GSDME: variants seen among roughly 807,000 people sequenced by gnomAD.
The protein encoded by GSDME is gasdermin-E.
Under a neutral mutation model 47.5 loss-of-function variants are expected in GSDME, and 44 were observed. The observed-to-expected ratio is 0.93, with a 90% CI of 0.73 to 1.19. GSDME has a LOEUF of 1.19. Among genes scored for constraint, GSDME ranks in the 50% most tolerant of loss-of-function variants. GSDME has a pLI of 0.00. For synonymous variants in GSDME, 258 were observed against 252.8 expected, an observed-to-expected ratio of 1.02 and a Z score of -0.20; for missense variants, 663 against 604.2, an observed-to-expected ratio of 1.10 and a Z score of -1.02.
chr7:24,729,438 C>T (rs1165018705), intron 3 of GSDME, among the ~76,000 whole-genome samples: 1 of 152,262 alleles, frequency 6.6e-6, no homozygotes, highest in African/African-American at 2.4e-5. Context: ...ACAAAGGAGG[C>T]AGGGCGTTCC....
chr7:24,791,815 A>C, the GSDME span, among the ~76,000 whole-genome samples: 1 of 152,186 alleles, frequency 6.6e-6, no homozygotes, highest in African/African-American at 2.4e-5. The surrounding 1 kb of genome is among the most constrained non-coding windows in gnomAD (Gnocchi z 4.8). Context: ...AACTCTTGAA[A>C]ATTCTTAAGC....
chr7:24,701,480 C>CAGTT (rs144379890), intron 9 of GSDME, among the ~76,000 whole-genome samples: 2 of 152,134 alleles, frequency 1.3e-5, no homozygotes, highest in Admixed American at 6.5e-5. Flanking sequence ...GGTTAGATAA[C>CAGTT]AGTTAGATAA....
chr7:24,706,992 C>T (rs949196017), intron 7 of GSDME, among the ~76,000 whole-genome samples: 3 of 152,232 alleles, frequency 2.0e-5, no homozygotes, highest in African/African-American at 7.2e-5. Flanking sequence ...GCTGGCCTGA[C>T]ATTTTCCTCT....
intron 5 of GSDME, among the ~76,000 whole-genome samples, chr7:24,715,913 ACT>A (rs897037980): frequency 3.9e-5 from 6 of 151,974 alleles, no homozygotes; most frequent in African/African-American, 1.5e-4. Flanking sequence ...AGAGAGGGAG[ACT>A]CTGTGCACTC....
chr7:24,738,804 GATGGAGAATCCGGA>G (rs1344345407), intron 3 of GSDME, among the ~76,000 whole-genome samples: 1 of 152,112 alleles, frequency 6.6e-6, no homozygotes, highest in Non-Finnish European at 1.5e-5. Context: ...AATGGAATGG[GATGGAGAATCCGGA>G]AACAAATCCA....
the GSDME span, among the ~76,000 whole-genome samples, chr7:24,766,214 T>TGTGTGTGTGTGTGC: frequency 2.0e-5 from 3 of 151,406 alleles, no homozygotes; most frequent in African/African-American, 7.3e-5. This position sits in a 1 kb window ranked among gnomAD's most constrained non-coding sequence, Gnocchi z 4.2. Flanking sequence ...TGTGTGTGTG[T>TGTGTGTGTGTGTGC]GCATGTTTGC....
the GSDME span, among the ~76,000 whole-genome samples, chr7:24,788,734 C>T: frequency 6.6e-6 from 1 of 152,290 alleles, no homozygotes; most frequent in South Asian, 2.1e-4. The surrounding 1 kb of genome is among the most constrained non-coding windows in gnomAD (Gnocchi z 4.6). Context: ...AAAGCTGACA[C>T]CTTAGGATGT....
At chr7:24,760,048 G>T (rs1200826268), upstream of GSDME, among the ~76,000 whole-genome samples, 1 of 152,180 alleles carries the variant, frequency 6.6e-6, no homozygotes, top group African/African-American at 2.4e-5. The surrounding 1 kb of genome is among the most constrained non-coding windows in gnomAD (Gnocchi z 4.2). Context: ...GAAATGGAGG[G>T]CTATGGAAAG....
intron 5 of GSDME, chr7:24,710,628 A>T (rs377221057): frequency 1.8e-6 from 1 of 543,718 alleles, no homozygotes; most frequent in Non-Finnish European, 3.3e-6. Flanking sequence ...CCTAATATAT[A>T]TTCTCTGAAC....
intron 2 of GSDME, 45 bp downstream of exon 2, chr7:24,749,519 C>G: frequency 8.2e-7 from 1 of 1,223,638 alleles, no homozygotes; most frequent in Non-Finnish European, 1.2e-6. Context: ...AAAAAAGGAT[C>G]ATCCTTTCCG....
At chr7:24,771,466 T>C in the GSDME span, among the ~76,000 whole-genome samples, 52 of 152,374 alleles carry the variant, frequency 3.4e-4, 2 homozygotes, top group South Asian at 7.5e-3. The surrounding 1 kb of genome is among the most constrained non-coding windows in gnomAD (Gnocchi z 4.1). Flanking sequence ...ACACATTCAT[T>C]GAGCCCCTAA....
At chr7:24,764,914 G>A in the GSDME span, among the ~76,000 whole-genome samples, 1 of 152,160 alleles carries the variant, frequency 6.6e-6, no homozygotes, top group African/African-American at 2.4e-5. This position sits in a 1 kb window ranked among gnomAD's most constrained non-coding sequence, Gnocchi z 4.4. Flanking sequence ...GAATAAATCT[G>A]GATTCCTGCC....
chr7:24,708,650 T>C (rs1453432390), intron 6 of GSDME, among the ~76,000 whole-genome samples: 1 of 152,242 alleles, frequency 6.6e-6, no homozygotes. Context: ...TTTAGAGCCA[T>C]ACAAATTCCA....
the GSDME span, among the ~76,000 whole-genome samples, chr7:24,790,854 T>G: frequency 1.3e-5 from 2 of 152,168 alleles, no homozygotes; most frequent in Non-Finnish European, 1.5e-5. This position sits in a 1 kb window ranked among gnomAD's most constrained non-coding sequence, Gnocchi z 4.1. Context: ...AAGACAGTTT[T>G]AACTTTTTGC....
At position 24,756,258 on chromosome 7, in the gene GSDME, C is replaced by T. The variant is rs927736445; in HGVS notation, c.-20+1138G>A. On this transcript the variant is annotated intron_variant, in intron 1 of 9. Transcript: ENST00000645220. The surrounding 1 kb of genome is among the most constrained non-coding windows in gnomAD (Gnocchi z 4.2). Reference sequence around the variant, plus strand: ...TGGCAGGCACCTGCGGTCTCAGCTACGGGTGTATGGGAGGATCCCTTGAGC... The same window carrying T: ...TGGCAGGCACCTGCGGTCTCAGCTATGGGTGTATGGGAGGATCCCTTGAGC... Among the ~76,000 whole-genome samples the T allele has an allele frequency of 3.3e-5, 5 of 152,106 alleles. No individual in the cohort carries two copies. Among genetic ancestry groups the T allele is most frequent in the African/African-American group, 9.7e-5 (4 of 41,406 alleles).
the GSDME span, among the ~76,000 whole-genome samples, chr7:24,777,334 A>G: frequency 5.3e-3 from 802 of 152,308 alleles, 6 homozygotes; most frequent in Non-Finnish European, 8.6e-3. Context: ...GACCACACCC[A>G]TGGGCTGACC....
chr7:24,774,671 T>C, the GSDME span, among the ~76,000 whole-genome samples: 2 of 152,058 alleles, frequency 1.3e-5, no homozygotes, highest in African/African-American at 4.8e-5. Context: ...TAGCTGGGAT[T>C]ACAGGCGCAT....
At chr7:24,710,116 T>G (rs891582833) in intron 6 of GSDME, 108 bp downstream of exon 6, 3 of 1,240,794 alleles carry the variant, frequency 2.4e-6, no homozygotes, top group Non-Finnish European at 3.5e-6. Context: ...CTCATATGTT[T>G]TCTGTGAGTC....
At position 24,744,458 on chromosome 7, in the gene GSDME, G is replaced by T; in HGVS notation, c.404+104C>A. On this transcript the variant is annotated intron_variant, in intron 3 of 9. Coordinates refer to ENST00000645220, the MANE Select transcript of GSDME (RefSeq NM_001127453.2). The surrounding 1 kb of genome is among the most constrained non-coding windows in gnomAD (Gnocchi z 4.5). Reference sequence around the variant, plus strand: ...CAAGCGCATTCAATACATGTTTATTGATCGGCAGAGATCAAATCTGTCGCC... The same window carrying T: ...CAAGCGCATTCAATACATGTTTATTTATCGGCAGAGATCAAATCTGTCGCC... The T allele has an allele frequency of 8.1e-7, 1 of 1,229,924 alleles. No homozygotes were observed. Among genetic ancestry groups the T allele is most frequent in the Non-Finnish European group, 1.2e-6 (1 of 839,546 alleles). The allele number at this position is 1,229,924 out of a possible 1,614,324, so 76.2% of individuals were successfully genotyped here. A position where few individuals can be genotyped will look rare whatever the true frequency, so the allele number is the denominator to read the frequency against.
Sources: allele counts gnomAD v4.1 joint callset (sites outside exome capture counted in the v4.1 genomes callset), GRCh38; gene constraint gnomAD v4.1.1; non-coding constraint Gnocchi (gnomAD v3.1); transcripts MANE v1.5; gene names NCBI Gene and HGNC (gene_info 2026-07-23, HGNC 2026-07-21).